ZC3H12B: variants seen among roughly 807,000 people sequenced by gnomAD.
ZC3H12B encodes zinc finger CCCH-type containing 12B.
In ZC3H12B, 7 loss-of-function variants were observed where a neutral mutation model predicts 43.9. That is an observed-to-expected ratio of 0.16 (90% CI 0.09 to 0.30). The LOEUF (loss-of-function observed/expected upper bound fraction) is 0.30. Ranked by LOEUF, ZC3H12B falls within the 10% of genes least tolerant of loss-of-function variation. The probability of loss-of-function intolerance (pLI) is 1.00; values close to 1 mark genes in which losing one functional copy is unlikely to be tolerated. For missense variants in ZC3H12B, 475 were observed against 670.2 expected (o/e 0.71, Z 3.22); for synonymous variants, 222 against 241.7 (o/e 0.92, Z 0.76).
exon 5 of ZC3H12B, chrX:65,502,144 G>A: frequency 8.3e-7 from 1 of 1,210,262 alleles, no homozygotes; most frequent in African/African-American, 1.7e-5. Flanking sequence ...GCCATGCAGT[G>A]GGTGCACTCA....
chrX:65,142,227 T>C, the ZC3H12B span, among the ~76,000 whole-genome samples: 2 of 112,342 alleles, frequency 1.8e-5, no homozygotes, highest in Non-Finnish European at 3.8e-5. Context: ...CACATGCTGG[T>C]TTTGATTTGC....
chrX:65,408,178 A>C (rs1370160906), intron 3 of ZC3H12B: 1 of 1,200,804 alleles, frequency 8.3e-7, no homozygotes, highest in East Asian at 3.0e-5. Flanking sequence ...TTAAAGAGGA[A>C]TTCCAGTTCC....
chrX:65,446,302 C>T (rs2067375356), intron 3 of ZC3H12B, among the ~76,000 whole-genome samples: 1 of 111,659 alleles, frequency 9.0e-6, no homozygotes, highest in Admixed American at 9.6e-5. Context: ...AGCTGAACTG[C>T]CTGGGGTTAA....
intron 2 of ZC3H12B, among the ~76,000 whole-genome samples, chrX:65,374,494 G>A (rs1355242376): frequency 9.3e-6 from 1 of 106,995 alleles, no homozygotes; most frequent in Non-Finnish European, 1.9e-5. Context: ...GAGTAAGATG[G>A]CCAAATAGAA....
chrX:65,207,247 T>C, the ZC3H12B span, among the ~76,000 whole-genome samples: 1,328 of 95,175 alleles, frequency 0.014, 18 homozygotes, highest in African/African-American at 0.066. Context: ...TGTGTGTGTA[T>C]ATATACACAC....
chrX:65,488,647 G>A (rs1602525318), upstream of ZC3H12B: 16 of 581,676 alleles, frequency 2.8e-5, no homozygotes, highest in East Asian at 5.6e-4. Context: ...TATTTGTAGG[G>A]ACTGATAACA....
At chrX:65,325,860 T>A in the ZC3H12B span, among the ~76,000 whole-genome samples, 1 of 111,475 alleles carries the variant, frequency 9.0e-6, no homozygotes, top group African/African-American at 3.2e-5. Context: ...ATCAAAAAAT[T>A]GAACAGACTA....
the ZC3H12B span, among the ~76,000 whole-genome samples, chrX:65,128,717 C>A: frequency 3.6e-5 from 4 of 112,117 alleles, no homozygotes; most frequent in Admixed American, 3.8e-4. Flanking sequence ...TCACTTCACA[C>A]ATTCTAAAGC....
At chrX:65,184,686 C>G in the ZC3H12B span, among the ~76,000 whole-genome samples, 2 of 111,191 alleles carry the variant, frequency 1.8e-5, no homozygotes, top group African/African-American at 6.5e-5. Context: ...AAAAGTGTTG[C>G]ACTACAAATC....
the ZC3H12B span, among the ~76,000 whole-genome samples, chrX:65,191,645 A>G: frequency 6.1e-5 from 1 of 16,313 alleles, no homozygotes; most frequent in Admixed American, 7.5e-4. Context: ...CAGTGGTGAT[A>G]TCCCCTTTAT....
the ZC3H12B span, among the ~76,000 whole-genome samples, chrX:65,323,265 T>C: frequency 8.9e-6 from 1 of 112,156 alleles, no homozygotes; most frequent in African/African-American, 3.2e-5. Flanking sequence ...ACATTGAGTA[T>C]AATGTTGTTG....
At chrX:65,303,737 AT>A in the ZC3H12B span, among the ~76,000 whole-genome samples, 2 of 112,555 alleles carry the variant, frequency 1.8e-5, no homozygotes, top group Admixed American at 1.9e-4. Context: ...ATTCAAACAT[AT>A]TTCTATATAC....
At chrX:65,196,302 G>A in the ZC3H12B span, among the ~76,000 whole-genome samples, 2 of 110,266 alleles carry the variant, frequency 1.8e-5, no homozygotes, top group African/African-American at 3.3e-5. Context: ...GAAGCGTGAA[G>A]GAAATGCGAC....
chrX:65,258,583 G>A, the ZC3H12B span, among the ~76,000 whole-genome samples: 13 of 111,668 alleles, frequency 1.2e-4, no homozygotes, highest in African/African-American at 4.2e-4. Flanking sequence ...TCAGGCAAGA[G>A]AAAGAAATAA....
chrX:65,378,479 A>T (rs1254868519), intron 2 of ZC3H12B, among the ~76,000 whole-genome samples: 1 of 112,128 alleles, frequency 8.9e-6, no homozygotes, highest in Non-Finnish European at 1.9e-5. Context: ...ACAAAAAAAA[A>T]TTAAGAAATT....
intron 1 of ZC3H12B, among the ~76,000 whole-genome samples, chrX:65,496,069 C>A (rs373607998): frequency 9.0e-6 from 1 of 111,488 alleles, no homozygotes. Flanking sequence ...CACTTATAAC[C>A]CTCTCACACA....
At chrX:65,177,613 C>T in the ZC3H12B span, among the ~76,000 whole-genome samples, 1 of 112,036 alleles carries the variant, frequency 8.9e-6, no homozygotes, top group Non-Finnish European at 1.9e-5. Flanking sequence ...GCAAAAATCA[C>T]CAGCATTCCT....
the ZC3H12B span, among the ~76,000 whole-genome samples, chrX:65,323,837 T>A: frequency 1.4e-4 from 16 of 112,200 alleles, no homozygotes; most frequent in South Asian, 6.0e-3. Context: ...CCATTTCTTC[T>A]ATTCCTCTCC....
chrX:65,225,502 G>T, the ZC3H12B span, among the ~76,000 whole-genome samples: 1 of 112,615 alleles, frequency 8.9e-6, no homozygotes, highest in Non-Finnish European at 1.9e-5. Context: ...TTCCTCACCA[G>T]CAATGGAGCA....
Sources: allele counts gnomAD v4.1 joint callset (sites outside exome capture counted in the v4.1 genomes callset), GRCh38; gene constraint gnomAD v4.1.1; transcripts MANE v1.5; gene names NCBI Gene and HGNC (gene_info 2026-07-23, HGNC 2026-07-21).